The following RPGRIP1L variants were observed in gnomAD, a reference collection of about 807,000 sequenced individuals.
RPGRIP1L encodes the protein protein fantom.
A neutral mutation model predicts 160.4 loss-of-function variants in RPGRIP1L; 131 were observed. The observed-to-expected ratio is 0.82, with a 90% CI of 0.71 to 0.94. The LOEUF (loss-of-function observed/expected upper bound fraction) is 0.94, where lower values mean the gene tolerates loss of function less well. Among genes scored for constraint, RPGRIP1L ranks in the 40% least tolerant of loss-of-function variants. The pLI is 0.00. For missense variants in RPGRIP1L, 1,522 were observed against 1,535.8 expected, an observed-to-expected ratio of 0.99 and a Z score of 0.15; for synonymous variants, 510 against 515.8, an observed-to-expected ratio of 0.99 and a Z score of 0.15.
chr16:53,691,625 T>C (rs1970387088), intron 4 of RPGRIP1L, among the ~76,000 whole-genome samples: 1 of 152,224 alleles, frequency 6.6e-6, no homozygotes, highest in African/African-American at 2.4e-5. Flanking sequence ...TACATGCACA[T>C]GCCATGTCAT....
At chr16:53,624,268 T>C (rs1044948686) in intron 22 of RPGRIP1L, among the ~76,000 whole-genome samples, 1 of 152,170 alleles carries the variant, frequency 6.6e-6, no homozygotes, top group Non-Finnish European at 1.5e-5. Flanking sequence ...AAATATTTAT[T>C]ATGGCTGGGC....
rs370087996 is a variant in RPGRIP1L, at chr16:53,671,155, C to T, written c.1103+355G>A. Among the ~76,000 whole-genome samples, 15 of 151,712 alleles carry T rather than the reference C, an allele frequency of 9.9e-5. No individual in the cohort carries two copies. In the East Asian group the frequency reaches 1.9e-3, roughly 20 times the overall value. ...AATTTTGCTTCATCTTCCTTGTCTG[C>T]AAAATGGGAATTTGTAATACATACA... On this transcript the variant is annotated intron_variant, in intron 9 of 26. Transcript: ENST00000647211.
At chr16:53,671,606 T>A in intron 8 of RPGRIP1L, 23 bp from the exon 9 acceptor site, 2 of 1,272,378 alleles carry the variant, frequency 1.6e-6, no homozygotes, top group African/African-American at 1.5e-5. Context: ...TAAAATTACA[T>A]ATTAAGTAAA....
At chr16:53,621,275 T>G (rs970418051) in intron 23 of RPGRIP1L, among the ~76,000 whole-genome samples, 1 of 152,078 alleles carries the variant, frequency 6.6e-6, no homozygotes, top group African/African-American at 2.4e-5. Context: ...AATACAATCC[T>G]AGATAAAACT....
intron 10 of RPGRIP1L, chr16:53,659,878 C>A (rs1967624362): frequency 6.6e-6 from 1 of 151,458 alleles, no homozygotes; most frequent in Non-Finnish European, 1.5e-5. Context: ...AGACTCTGTC[C>A]CCCCAAAATA....
chr16:53,690,703 A>C (rs1178500578), intron 4 of RPGRIP1L, among the ~76,000 whole-genome samples: 1 of 152,138 alleles, frequency 6.6e-6, no homozygotes, highest in Admixed American at 6.5e-5. Context: ...AGATGGCAAA[A>C]CTAAGGTTCA....
At chr16:53,618,500 T>C (rs1964515972) in intron 24 of RPGRIP1L, among the ~76,000 whole-genome samples, 1 of 152,214 alleles carries the variant, frequency 6.6e-6, no homozygotes. Flanking sequence ...CTTAGAAATA[T>C]TTTTTCACAT....
rs148157252 is a variant in RPGRIP1L, at chr16:53,700,768, A to G, written c.-7-38T>C. 7.4e-4 allele frequency: 1,083 copies of G among 1,469,622 alleles called. 16 individuals carry two copies. The East Asian group carries it at 0.019, about 25-fold the overall frequency. The allele number at this position is 1,469,622 out of a possible 1,614,324, so 91.0% of individuals were successfully genotyped here. A position where few individuals can be genotyped will look rare whatever the true frequency, so the allele number is the denominator to read the frequency against. On this transcript the variant is annotated intron_variant, in intron 1 of 26. Coordinates refer to ENST00000647211, the MANE Select transcript of RPGRIP1L (RefSeq NM_015272.5). ...GAAAATTCAAATAAACTCTTTCCAA[A>G]TTATTACATTAACTATGCAATGGAA...
At chr16:53,672,744 A>C in intron 8 of RPGRIP1L, 126 bp downstream of exon 8, 1 of 844,370 alleles carries the variant, frequency 1.2e-6, no homozygotes, top group Admixed American at 2.3e-5. Context: ...TGCTGTGCTC[A>C]AAACACCATG....
At chr16:53,678,508 C>T (rs1189093521) in intron 6 of RPGRIP1L, among the ~76,000 whole-genome samples, 1 of 152,108 alleles carries the variant, frequency 6.6e-6, no homozygotes, top group Non-Finnish European at 1.5e-5. Context: ...AAACTTTGCT[C>T]CAGTGAAAGT....
At chr16:53,610,282 T>C (rs1276817201) in intron 25 of RPGRIP1L, among the ~76,000 whole-genome samples, 1 of 152,028 alleles carries the variant, frequency 6.6e-6, no homozygotes, top group Admixed American at 6.6e-5. Context: ...TGAACCAGAA[T>C]TGCAAGGTAT....
chr16:53,635,441 CT>C (rs1343911913), intron 22 of RPGRIP1L: 1 of 152,118 alleles, frequency 6.6e-6, no homozygotes, highest in East Asian at 1.9e-4. Context: ...CTGAAATGTT[CT>C]GTTCTATTGT....
rs556292074 is a variant in RPGRIP1L, at chr16:53,624,893, G to A, written c.3295-2537C>T. Among the ~76,000 whole-genome samples the A allele has an allele frequency of 3.3e-5, 5 of 151,998 alleles. No individual in the cohort carries two copies. In the East Asian group the frequency reaches 9.8e-4, roughly 30 times the overall value. Reference sequence around the variant, plus strand: ...TGATTCTCCTGCCTCAGCCTGCCGAGTGCCTGGGATTGCAGGCGTGCGCCA... The same window carrying A: ...TGATTCTCCTGCCTCAGCCTGCCGAATGCCTGGGATTGCAGGCGTGCGCCA... On this transcript the variant is annotated intron_variant, in intron 22 of 26. Transcript: ENST00000647211.
intron 25 of RPGRIP1L, among the ~76,000 whole-genome samples, chr16:53,606,906 G>A (rs1016677259): frequency 6.6e-6 from 1 of 152,098 alleles, no homozygotes; most frequent in Non-Finnish European, 1.5e-5. Flanking sequence ...GAGTCACTGC[G>A]CCCAGCCTGC....
chr16:53,624,778 TCG>T (rs1448761442), intron 22 of RPGRIP1L, among the ~76,000 whole-genome samples: 17 of 33,516 alleles, frequency 5.1e-4, no homozygotes, highest in Non-Finnish European at 1.0e-3. Context: ...CCCCTCCCCC[TCG>T]TCTCAGTCTC....
At chr16:53,688,631 A>G (rs1970177523) in intron 4 of RPGRIP1L, among the ~76,000 whole-genome samples, 1 of 152,102 alleles carries the variant, frequency 6.6e-6, no homozygotes, top group South Asian at 2.1e-4. Context: ...GAATAACTAA[A>G]TATTAGAGTT....
chr16:53,665,134 T>G (rs1029233996), intron 9 of RPGRIP1L, 125 bp from the exon 10 acceptor site: 9 of 1,175,800 alleles, frequency 7.7e-6, no homozygotes, highest in Non-Finnish European at 1.1e-5. Context: ...AGTAAACATA[T>G]GCTGGTCTGC....
rs962068750 is a variant in RPGRIP1L at position 53,603,703 on chromosome 16, T to TGC, written c.3836-1516_3836-1515insGC. ...GTGTGTGTGTGTGTGTGTGTGTGTG[T>TGC]GTGTGTTTAATTCCAAGAAAATTTG... On this transcript the variant is annotated intron_variant, in intron 26 of 26. Transcript: ENST00000647211. Among the ~76,000 whole-genome samples, 201 of 148,588 alleles carry TGC rather than the reference T, an allele frequency of 1.4e-3. 1 individual carries two copies. Among genetic ancestry groups the TGC allele is most frequent in the Non-Finnish European group, 4.7e-4 (32 of 67,586 alleles).
intron 22 of RPGRIP1L, among the ~76,000 whole-genome samples, chr16:53,630,386 G>A (rs1965445118): frequency 6.6e-6 from 1 of 151,924 alleles, no homozygotes; most frequent in Non-Finnish European, 1.5e-5. Flanking sequence ...CATCACTAAG[G>A]CAAAATTTAT....
Sources: allele counts gnomAD v4.1 joint callset (sites outside exome capture counted in the v4.1 genomes callset), GRCh38; gene constraint gnomAD v4.1.1; transcripts MANE v1.5; gene names NCBI Gene and HGNC (gene_info 2026-07-23, HGNC 2026-07-21).